STK32B: variants seen among roughly 807,000 people sequenced by gnomAD.
STK32B encodes the protein serine/threonine kinase 32B.
A neutral mutation model predicts 52.6 loss-of-function variants in STK32B; 43 were observed. The observed-to-expected ratio is 0.82, with a 90% CI of 0.64 to 1.05. The LOEUF is 1.05. Among genes scored for constraint, STK32B ranks in the 50% least tolerant of loss-of-function variants. The probability of loss-of-function intolerance (pLI) is 0.00; values close to 1 mark genes in which losing one functional copy is unlikely to be tolerated. For synonymous variants in STK32B, 238 were observed against 204.3 expected (o/e 1.17, Z -1.41); for missense variants, 621 against 534.6 (o/e 1.16, Z -1.59).
chr4:5,330,760 C>A (rs1012706804), intron 3 of STK32B, among the ~76,000 whole-genome samples: 1 of 152,198 alleles, frequency 6.6e-6, no homozygotes, highest in Non-Finnish European at 1.5e-5. Context: ...TCCCATAACA[C>A]CACTGCATTC....
chr4:5,301,207 T>C (rs1729529908), intron 3 of STK32B, among the ~76,000 whole-genome samples: 1 of 152,116 alleles, frequency 6.6e-6, no homozygotes, highest in Non-Finnish European at 1.5e-5. Context: ...TCTGTGTCTG[T>C]ATTTATGAAG....
chr4:5,205,223 T>C (rs1722473850), intron 3 of STK32B, among the ~76,000 whole-genome samples: 1 of 152,154 alleles, frequency 6.6e-6, no homozygotes, highest in Non-Finnish European at 1.5e-5. Context: ...CACTGGGACT[T>C]ATGTCGTTGC....
chr4:5,452,569 A>G (rs561662113), intron 7 of STK32B, among the ~76,000 whole-genome samples: 4 of 152,256 alleles, frequency 2.6e-5, no homozygotes, highest in Non-Finnish European at 4.4e-5. Context: ...GGGCAGGGAA[A>G]GTGTTTCTCT....
At chr4:5,025,540 A>G in the STK32B span, among the ~76,000 whole-genome samples, 2 of 152,210 alleles carry the variant, frequency 1.3e-5, no homozygotes, top group Non-Finnish European at 2.9e-5. Flanking sequence ...TTGGTGGGAT[A>G]ACTCTGAGGT....
intron 3 of STK32B, among the ~76,000 whole-genome samples, chr4:5,328,962 CT>C (rs1298934568): frequency 6.6e-6 from 1 of 152,286 alleles, no homozygotes; most frequent in East Asian, 1.9e-4. Context: ...AATCCCAACA[CT>C]TTGGGAGGCC....
chr4:5,085,849 A>G (rs1199503270), intron 1 of STK32B, among the ~76,000 whole-genome samples: 1 of 152,196 alleles, frequency 6.6e-6, no homozygotes, highest in African/African-American at 2.4e-5. Context: ...CTTGAAAATA[A>G]CAACCCATGT....
chr4:5,324,094 C>G (rs1282040518), intron 3 of STK32B, among the ~76,000 whole-genome samples: 1 of 152,244 alleles, frequency 6.6e-6, no homozygotes, highest in Non-Finnish European at 1.5e-5. Context: ...CAGCTCACAC[C>G]TGTAATCCTA....
chr4:5,354,266 G>A (rs1201381954), intron 4 of STK32B, among the ~76,000 whole-genome samples: 2 of 152,110 alleles, frequency 1.3e-5, no homozygotes, highest in African/African-American at 4.8e-5. Context: ...AAGAAAAATA[G>A]ATCTATGTGT....
chr4:5,035,043 G>T, the STK32B span, among the ~76,000 whole-genome samples: 1 of 152,164 alleles, frequency 6.6e-6, no homozygotes, highest in East Asian at 1.9e-4. Context: ...GTGCCCCATG[G>T]ATTGGCTCCA....
chr4:5,158,701 C>T (rs575608832), intron 2 of STK32B, among the ~76,000 whole-genome samples: 5 of 152,198 alleles, frequency 3.3e-5, no homozygotes, highest in South Asian at 2.1e-4. Context: ...TGGATTCTTC[C>T]GAGGCCGCTT....
intron 11 of STK32B, among the ~76,000 whole-genome samples, chr4:5,490,768 C>T (rs1367515867): frequency 2.0e-5 from 3 of 152,134 alleles, no homozygotes; most frequent in African/African-American, 7.2e-5. Flanking sequence ...GTTCCCCTTC[C>T]TGTGTCCATG....
At chr4:5,493,112 T>C (rs1408041507) in intron 11 of STK32B, among the ~76,000 whole-genome samples, 2 of 151,528 alleles carry the variant, frequency 1.3e-5, no homozygotes, top group Non-Finnish European at 2.9e-5. Flanking sequence ...TTAGGGAGGA[T>C]TCCCTCTTTT....
At chr4:5,404,953 G>A (rs535889549) in intron 5 of STK32B, among the ~76,000 whole-genome samples, 26 of 142,066 alleles carry the variant, frequency 1.8e-4, no homozygotes, top group South Asian at 1.6e-3. Context: ...TGCAAGCTCC[G>A]TCTCCCAGGT....
intron 3 of STK32B, among the ~76,000 whole-genome samples, chr4:5,328,800 A>G (rs376974893): frequency 4.6e-5 from 7 of 152,298 alleles, no homozygotes; most frequent in African/African-American, 1.7e-4. Flanking sequence ...AGTGAAGTGC[A>G]GTAAAACAAG....
At chr4:5,484,949 T>G (rs7662444) in intron 11 of STK32B, among the ~76,000 whole-genome samples, 3,074 of 152,274 alleles carry the variant, frequency 0.02, 90 homozygotes, top group African/African-American at 0.069. Flanking sequence ...AGTTTCTGCC[T>G]AGCGATCAGC....
At chr4:5,282,504 G>T (rs1728270718) in intron 3 of STK32B, among the ~76,000 whole-genome samples, 1 of 152,100 alleles carries the variant, frequency 6.6e-6, no homozygotes. Context: ...AAGTTACATG[G>T]ATGTGATATT....
chr4:5,138,965 T>A (rs1333091279), intron 1 of STK32B, among the ~76,000 whole-genome samples: 1 of 151,746 alleles, frequency 6.6e-6, no homozygotes, highest in African/African-American at 2.4e-5. Context: ...CTGAGAGCAA[T>A]GGAGGGGACA....
intron 4 of STK32B, among the ~76,000 whole-genome samples, chr4:5,336,047 G>A (rs1055209519): frequency 2.0e-5 from 3 of 150,360 alleles, no homozygotes; most frequent in Non-Finnish European, 4.4e-5. Flanking sequence ...TGCTAATGAG[G>A]GTAAAATGGA....
At chr4:5,317,548 T>G (rs1473759396) in intron 3 of STK32B, among the ~76,000 whole-genome samples, 8 of 121,876 alleles carry the variant, frequency 6.6e-5, no homozygotes, top group Non-Finnish European at 1.3e-4. Context: ...TGTATATATA[T>G]ATATATATAT....
Sources: allele counts gnomAD v4.1 joint callset (sites outside exome capture counted in the v4.1 genomes callset), GRCh38; gene constraint gnomAD v4.1.1; transcripts MANE v1.5; gene names NCBI Gene and HGNC (gene_info 2026-07-23, HGNC 2026-07-21).